The following ARHGAP15 variants were observed in gnomAD, a reference collection of about 807,000 sequenced individuals.
The protein encoded by ARHGAP15 is Rho GTPase activating protein 15, also known as rho GTPase-activating protein 15.
ARHGAP15 carries 51 observed loss-of-function variants against 63.7 expected under a neutral mutation model. The observed-to-expected ratio is 0.80, with a 90% CI of 0.64 to 1.01. The LOEUF (loss-of-function observed/expected upper bound fraction) is 1.01. Ranked by LOEUF, ARHGAP15 falls within the 50% of genes least tolerant of loss-of-function variation. The pLI is 0.00. For synonymous variants in ARHGAP15, 191 were observed against 193.8 expected (o/e 0.99, Z 0.12); for missense variants, 560 against 564.6 (o/e 0.99, Z 0.08).
intron 1 of ARHGAP15, among the ~76,000 whole-genome samples, chr2:143,129,818 A>T (rs1312284677): frequency 6.6e-6 from 1 of 152,216 alleles, no homozygotes; most frequent in East Asian, 1.9e-4. Flanking sequence ...GTTTTATAAA[A>T]ATATGTATTG....
chr2:143,153,777 ATCTTCTTCT>A lies in ARHGAP15; in HGVS notation c.-14-1640_-14-1632del, dbSNP rs1175995548. Among the ~76,000 whole-genome samples, 479 of 85,208 alleles carry A rather than the reference ATCTTCTTCT, an allele frequency of 5.6e-3. 13 individuals carry two copies. Among genetic ancestry groups the A allele is most frequent in the South Asian group, 9.9e-3 (30 of 3,044 alleles). The allele number at this position is 85,208 out of a possible 152,430, so 55.9% of individuals were successfully genotyped here. A position where few individuals can be genotyped will look rare whatever the true frequency, so the allele number is the denominator to read the frequency against. ...TTATATAAATGAAATTATATAATAA[ATCTTCTTCT>A]TCTTCTTCTTCTTCTTCTTCTTCTT... On this transcript the variant is annotated intron_variant, in intron 1 of 13. Transcript: ENST00000295095.
chr2:143,619,499 T>C (rs1472271797), intron 11 of ARHGAP15, among the ~76,000 whole-genome samples: 1 of 152,138 alleles, frequency 6.6e-6, no homozygotes, highest in Non-Finnish European at 1.5e-5. Context: ...ATAACCTAAT[T>C]AGAGGGCCAG....
intron 8 of ARHGAP15, among the ~76,000 whole-genome samples, chr2:143,484,674 T>C (rs77436350): frequency 1.3e-5 from 2 of 152,348 alleles, no homozygotes; most frequent in African/African-American, 4.8e-5. Context: ...TCCAGCACTG[T>C]CCAACATGAA....
intron 6 of ARHGAP15, among the ~76,000 whole-genome samples, chr2:143,336,411 T>A (rs1684777902): frequency 6.6e-6 from 1 of 152,150 alleles, no homozygotes; most frequent in South Asian, 2.1e-4. Context: ...AGAAATAGTT[T>A]GGGGAGTTGA....
intron 6 of ARHGAP15, among the ~76,000 whole-genome samples, chr2:143,344,387 T>C (rs2105294521): frequency 6.6e-6 from 1 of 152,252 alleles, no homozygotes; most frequent in Admixed American, 6.6e-5. Flanking sequence ...ATTTTAACAA[T>C]GCTTTTGACC....
intron 13 of ARHGAP15, among the ~76,000 whole-genome samples, chr2:143,737,184 G>A (rs1685778142): frequency 1.3e-5 from 2 of 152,230 alleles, no homozygotes; most frequent in Admixed American, 1.3e-4. Context: ...TATGTTTTAC[G>A]GAGGAGATAG....
chr2:143,643,794 G>A (rs771293308), intron 12 of ARHGAP15, among the ~76,000 whole-genome samples: 8 of 151,996 alleles, frequency 5.3e-5, no homozygotes, highest in Non-Finnish European at 8.8e-5. Flanking sequence ...TCGGTTAAAC[G>A]GTCTTGGAAG....
intron 6 of ARHGAP15, among the ~76,000 whole-genome samples, chr2:143,336,252 G>T (rs1684767722): frequency 6.6e-6 from 1 of 152,068 alleles, no homozygotes; most frequent in African/African-American, 2.4e-5. Context: ...CCACAAACTT[G>T]GATGTTTTTC....
At chr2:143,181,533 A>G (rs1691235055) in intron 2 of ARHGAP15, among the ~76,000 whole-genome samples, 1 of 152,248 alleles carries the variant, frequency 6.6e-6, no homozygotes, top group African/African-American at 2.4e-5. Flanking sequence ...AGCTTCTACA[A>G]CAGCACTTTC....
intron 6 of ARHGAP15, among the ~76,000 whole-genome samples, chr2:143,359,830 A>T (rs1685964480): frequency 6.6e-6 from 1 of 152,208 alleles, no homozygotes; most frequent in Non-Finnish European, 1.5e-5. Context: ...TATTTACAGA[A>T]AGTAATGTTT....
At chr2:143,582,383 A>AC (rs1696943379) in intron 11 of ARHGAP15, among the ~76,000 whole-genome samples, 1 of 152,100 alleles carries the variant, frequency 6.6e-6, no homozygotes, top group African/African-American at 2.4e-5. Flanking sequence ...TTTGAAAATT[A>AC]CCCATGGTTT....
At chr2:143,211,884 C>T (rs1574097288) in intron 3 of ARHGAP15, among the ~76,000 whole-genome samples, 1 of 152,092 alleles carries the variant, frequency 6.6e-6, no homozygotes, top group Non-Finnish European at 1.5e-5. Context: ...TGCCAATGAG[C>T]ACATTATCAG....
chr2:143,334,681 G>GA (rs1329757316), intron 6 of ARHGAP15, among the ~76,000 whole-genome samples: 2 of 152,084 alleles, frequency 1.3e-5, no homozygotes, highest in African/African-American at 4.8e-5. Flanking sequence ...CCATAAAGAA[G>GA]AAAATCAAGC....
intron 2 of ARHGAP15, among the ~76,000 whole-genome samples, chr2:143,176,778 TG>T (rs980653948): frequency 2.6e-5 from 4 of 152,210 alleles, no homozygotes; most frequent in Non-Finnish European, 4.4e-5. Flanking sequence ...TCTCATTGGC[TG>T]GGGCAGCTCC....
rs1184311289 is a variant in ARHGAP15 at position 143,768,094 on chromosome 2, C to A, written c.1350C>A (p.Ile450=). 1 of 1,613,694 alleles carries A rather than the reference C, an allele frequency of 6.2e-7. No individual in the cohort carries two copies. Among genetic ancestry groups the A allele is most frequent in the Non-Finnish European group, 8.5e-7 (1 of 1,179,802 alleles). ...RAENETGNMA[I]HMVYQNQIAE... ...AAAATGAAACAGGAAACATGGCGAT[C>A]CACATGGTCTACCAGAACCAGATAG... Residue 450 remains isoleucine (I), a synonymous_variant, in exon 14 of 14, where the codon ATC becomes ATA. Coordinates refer to ENST00000295095, the MANE Select transcript of ARHGAP15 (RefSeq NM_018460.4).
intron 6 of ARHGAP15, among the ~76,000 whole-genome samples, chr2:143,379,447 CCCACACTGA>C (rs1169138908): frequency 3.3e-4 from 49 of 150,532 alleles, no homozygotes; most frequent in African/African-American, 1.1e-3. Flanking sequence ...AGTAAAATGA[CCCACACTGA>C]CCATTAACAA....
intron 2 of ARHGAP15, among the ~76,000 whole-genome samples, chr2:143,160,279 A>C (rs1210344073): frequency 6.6e-6 from 1 of 151,954 alleles, no homozygotes; most frequent in African/African-American, 2.4e-5. Flanking sequence ...GTTCTTATAC[A>C]CTGCATTCTT....
intron 5 of ARHGAP15, among the ~76,000 whole-genome samples, chr2:143,242,829 A>G (rs1345683203): frequency 6.6e-6 from 1 of 152,214 alleles, no homozygotes; most frequent in African/African-American, 2.4e-5. Flanking sequence ...ATGAGAATAT[A>G]TAAATGAGTT....
chr2:143,671,536 A>G (rs530459698), intron 12 of ARHGAP15, among the ~76,000 whole-genome samples: 43 of 152,152 alleles, frequency 2.8e-4, no homozygotes, highest in Non-Finnish European at 5.4e-4. Flanking sequence ...TCTTTGCAAA[A>G]TTTTAGTGTG....
Sources: gnomAD v4.1 joint callset for allele counts (sites outside exome capture counted in the v4.1 genomes callset) on GRCh38, gnomAD v4.1.1 for gene constraint, MANE v1.5 for transcripts, NCBI Gene and HGNC (gene_info 2026-07-23, HGNC 2026-07-21) for gene names.